The following HECW2 variants were observed in gnomAD, a reference collection of about 807,000 sequenced individuals.
The protein encoded by HECW2 is E3 ubiquitin-protein ligase HECW2.
A neutral mutation model predicts 175.2 loss-of-function variants in HECW2; 61 were observed. The ratio of observed to expected loss-of-function variants is 0.35; its 90% CI spans 0.28 to 0.43. The LOEUF is 0.43. Ranked by LOEUF, HECW2 falls within the 20% of genes least tolerant of loss-of-function variation. HECW2 has a pLI of 1.00. For missense variants in HECW2, 1,524 were observed against 2,000.5 expected, an observed-to-expected ratio of 0.76 and a Z score of 4.54; for synonymous variants, 671 against 731.0, an observed-to-expected ratio of 0.92 and a Z score of 1.32.
intron 15 of HECW2, among the ~76,000 whole-genome samples, chr2:196,275,579 C>T (rs938675481): frequency 2.0e-5 from 3 of 151,990 alleles, no homozygotes; most frequent in Non-Finnish European, 2.9e-5. Flanking sequence ...TGGTGAAACC[C>T]CATCTCTACT....
intron 2 of HECW2, among the ~76,000 whole-genome samples, chr2:196,419,673 C>A (rs944500811): frequency 6.6e-6 from 1 of 152,200 alleles, no homozygotes; most frequent in Non-Finnish European, 1.5e-5. Context: ...GGCAGCCACA[C>A]AGTAGGTTCT....
At chr2:196,246,168 G>T (rs747133229) in intron 19 of HECW2, among the ~76,000 whole-genome samples, 30 of 152,184 alleles carry the variant, frequency 2.0e-4, no homozygotes, top group South Asian at 4.1e-4. Context: ...ACACAAGGCT[G>T]CTCTCCTAGA....
At chr2:196,413,407 T>G (rs7565466) in intron 2 of HECW2, among the ~76,000 whole-genome samples, 140,471 of 151,930 alleles carry the variant, frequency 0.92, 65,314 homozygotes, top group East Asian at 1. Context: ...GTGCTGTGGT[T>G]CAATCTTGGT....
chr2:196,216,294 A>G (rs1275062264), intron 27 of HECW2, among the ~76,000 whole-genome samples: 2 of 152,208 alleles, frequency 1.3e-5, no homozygotes, highest in African/African-American at 2.4e-5. Flanking sequence ...AAGTGGGATC[A>G]ATTAACCCGA....
intron 28 of HECW2, among the ~76,000 whole-genome samples, chr2:196,212,376 G>T (rs1306994305): frequency 6.6e-6 from 1 of 152,008 alleles, no homozygotes; most frequent in Non-Finnish European, 1.5e-5. Flanking sequence ...TTAGGCCCCA[G>T]TGAGTGTTAT....
At chr2:196,378,128 T>C (rs1334443236) in intron 2 of HECW2, among the ~76,000 whole-genome samples, 1 of 152,142 alleles carries the variant, frequency 6.6e-6, no homozygotes, top group East Asian at 1.9e-4. Context: ...GCAGAGTGGT[T>C]AAAAACCCAA....
At chr2:196,462,551 CAT>C (rs1004920091) in intron 1 of HECW2, among the ~76,000 whole-genome samples, 17 of 152,136 alleles carry the variant, frequency 1.1e-4, no homozygotes, top group African/African-American at 3.9e-4. Flanking sequence ...TTCTCAGAAA[CAT>C]AACCAAAACA....
At chr2:196,398,018 TATA>T (rs1694717140) in intron 2 of HECW2, among the ~76,000 whole-genome samples, 1 of 151,856 alleles carries the variant, frequency 6.6e-6, no homozygotes, top group Admixed American at 6.6e-5. Flanking sequence ...TGGAGTCTTT[TATA>T]ATAAGAGGTA....
chr2:196,293,601 T>C (rs1425782225), intron 13 of HECW2, among the ~76,000 whole-genome samples: 2 of 152,248 alleles, frequency 1.3e-5, no homozygotes, highest in Non-Finnish European at 2.9e-5. Flanking sequence ...ATGGTTGAAC[T>C]AATTTACTAA....
chr2:196,427,174 A>C (rs1348701083), intron 2 of HECW2, among the ~76,000 whole-genome samples: 2 of 152,188 alleles, frequency 1.3e-5, no homozygotes, highest in Non-Finnish European at 2.9e-5. Flanking sequence ...TTCTCATCGA[A>C]GAAATCAGTA....
chr2:196,246,991 G>C (rs552110356), intron 19 of HECW2, among the ~76,000 whole-genome samples: 6 of 152,194 alleles, frequency 3.9e-5, no homozygotes, highest in South Asian at 2.1e-4. Flanking sequence ...GGCTGGGTAC[G>C]GTGGCTCACG....
At chr2:196,454,654 T>A (rs1032386064) in intron 1 of HECW2, among the ~76,000 whole-genome samples, 1 of 152,250 alleles carries the variant, frequency 6.6e-6, no homozygotes, top group African/African-American at 2.4e-5. Flanking sequence ...AGAAGGTAGC[T>A]ATTTTCTTCC....
chr2:196,553,662 C>T (rs1228462769), intron 1 of HECW2, among the ~76,000 whole-genome samples: 1 of 152,198 alleles, frequency 6.6e-6, no homozygotes, highest in East Asian at 1.9e-4. Context: ...GTCTAGGAGA[C>T]ATCTGCATTT....
At chr2:196,558,394 G>A (rs1559175002) in intron 1 of HECW2, among the ~76,000 whole-genome samples, 2 of 152,160 alleles carry the variant, frequency 1.3e-5, no homozygotes, top group African/African-American at 4.8e-5. Context: ...TTGTGAATTT[G>A]GAGAGCTTTA....
At position 196,287,332 on chromosome 2, in the gene HECW2, TAAG is replaced by T. The variant is rs1234738098; in HGVS notation, c.3000+5230_3000+5232del. ...TATGGGAAAGATATTTCACTTTAAA[TAAG>T]AAGATGGTTCCCATTGTATATTTTT... is the stretch of plus-strand genomic sequence containing the variant. On this transcript the variant is annotated intron_variant, in intron 14 of 28. Transcript: ENST00000644978. Among the ~76,000 whole-genome samples, 6 of 152,302 alleles carry T rather than the reference TAAG, an allele frequency of 3.9e-5. No homozygotes were observed. The South Asian group carries it at 8.3e-4, about 21-fold the overall frequency.
At chr2:196,551,029 C>CA (rs1372002338) in intron 1 of HECW2, among the ~76,000 whole-genome samples, 2 of 152,224 alleles carry the variant, frequency 1.3e-5, no homozygotes, top group Non-Finnish European at 2.9e-5. Context: ...GCCAAACATT[C>CA]AAACTTCCAA....
chr2:196,485,565 T>G (rs1259246490), intron 1 of HECW2, among the ~76,000 whole-genome samples: 1 of 152,122 alleles, frequency 6.6e-6, no homozygotes, highest in Non-Finnish European at 1.5e-5. Flanking sequence ...CTCTGCACCC[T>G]CATGACTTAC....
rs536734662 is a variant in HECW2, at chr2:196,442,809, T to A, written c.-35-9351A>T. On this transcript the variant is annotated intron_variant, in intron 1 of 28. Coordinates refer to ENST00000644978, the MANE Select transcript of HECW2 (RefSeq NM_001348768.2). ...ACCTCTTGATACTCAATTTTTGAAT[T>A]TTTCTACAAATAAGATATATAATAA... 5.9e-5 allele frequency among the ~76,000 whole-genome samples: 9 copies of A among 152,244 alleles called. No individual in the cohort carries two copies. In the South Asian group the frequency reaches 1.9e-3, roughly 32 times the overall value.
chr2:196,312,127 C>A (rs2105730515), intron 10 of HECW2, among the ~76,000 whole-genome samples: 1 of 152,194 alleles, frequency 6.6e-6, no homozygotes, highest in South Asian at 2.1e-4. Context: ...TCAAATCAGA[C>A]CTCGGTCTCC....
Sources: allele counts gnomAD v4.1 joint callset (sites outside exome capture counted in the v4.1 genomes callset), GRCh38; gene constraint gnomAD v4.1.1; transcripts MANE v1.5; gene names NCBI Gene and HGNC (gene_info 2026-07-23, HGNC 2026-07-21).